The following ZC3H12B variants were observed in gnomAD, a reference collection of about 807,000 sequenced individuals.
The protein encoded by ZC3H12B is probable ribonuclease ZC3H12B.
In ZC3H12B, 7 loss-of-function variants were observed where a neutral mutation model predicts 43.9. The ratio of observed to expected loss-of-function variants is 0.16; its 90% CI spans 0.09 to 0.30. The LOEUF (loss-of-function observed/expected upper bound fraction) is 0.30, where lower values mean the gene tolerates loss of function less well. ZC3H12B is among the 10% of genes least tolerant of loss of function. The probability of loss-of-function intolerance (pLI) is 1.00; values close to 1 mark genes in which losing one functional copy is unlikely to be tolerated. For synonymous variants in ZC3H12B, 222 were observed against 241.7 expected, an observed-to-expected ratio of 0.92 and a Z score of 0.76; for missense variants, 475 against 670.2, an observed-to-expected ratio of 0.71 and a Z score of 3.22.
At chrX:65,331,039 C>T in the ZC3H12B span, 11 of 336,696 alleles carry the variant, frequency 3.3e-5, no homozygotes, top group East Asian at 9.0e-4. Flanking sequence ...TTGGTGTCCA[C>T]GTATTTGAGT....
At chrX:65,405,749 A>G (rs1297340233) in intron 3 of ZC3H12B, among the ~76,000 whole-genome samples, 1 of 112,522 alleles carries the variant, frequency 8.9e-6, no homozygotes, top group Non-Finnish European at 1.9e-5. Flanking sequence ...ACAAAACTTT[A>G]GCCAAACTTA....
the ZC3H12B span, among the ~76,000 whole-genome samples, chrX:65,290,896 G>C: frequency 9.1e-6 from 1 of 110,482 alleles, no homozygotes; most frequent in African/African-American, 3.3e-5. Context: ...TGTGTTAAAG[G>C]GTACAAACAT....
At chrX:65,156,972 T>C in the ZC3H12B span, among the ~76,000 whole-genome samples, 1 of 111,821 alleles carries the variant, frequency 8.9e-6, no homozygotes, top group Middle Eastern at 4.6e-3. Flanking sequence ...TCTTTCTTTC[T>C]TTCTTCCTTT....
chrX:65,242,275 G>C, the ZC3H12B span, among the ~76,000 whole-genome samples: 1 of 111,662 alleles, frequency 9.0e-6, no homozygotes, highest in Non-Finnish European at 1.9e-5. Context: ...CTCTGTGAGA[G>C]CTGCGGACGG....
intron 3 of ZC3H12B, among the ~76,000 whole-genome samples, chrX:65,458,129 T>C (rs1361017492): frequency 2.3e-5 from 1 of 42,761 alleles, no homozygotes; most frequent in Non-Finnish European, 4.8e-5. Flanking sequence ...TACATAATGG[T>C]AAAGGGATCA....
chrX:65,065,489 T>C, the ZC3H12B span, among the ~76,000 whole-genome samples: 1 of 112,427 alleles, frequency 8.9e-6, no homozygotes. Flanking sequence ...TTCTGGCTTG[T>C]AGGGTTTCTG....
the ZC3H12B span, among the ~76,000 whole-genome samples, chrX:65,336,978 C>T: frequency 2.7e-5 from 3 of 112,397 alleles, no homozygotes; most frequent in Non-Finnish European, 3.8e-5. Flanking sequence ...AGGGACTTTA[C>T]TGAGAAGGGG....
intron 1 of ZC3H12B, among the ~76,000 whole-genome samples, chrX:65,491,888 G>C (rs779871105): frequency 3.6e-5 from 4 of 109,749 alleles, no homozygotes; most frequent in African/African-American, 1.3e-4. Context: ...TAACAAGAAA[G>C]TTAAATGGTC....
intron 2 of ZC3H12B, among the ~76,000 whole-genome samples, chrX:65,382,526 C>T (rs2066457781): frequency 9.0e-6 from 1 of 111,333 alleles, no homozygotes; most frequent in Non-Finnish European, 1.9e-5. Flanking sequence ...GGAAGCATTC[C>T]CTTTGAAAAC....
the ZC3H12B span, among the ~76,000 whole-genome samples, chrX:65,050,762 A>G: frequency 1.8e-5 from 2 of 111,886 alleles, no homozygotes; most frequent in African/African-American, 6.5e-5. Context: ...TGGATTCACA[A>G]GGATAAATCT....
chrX:65,468,509 A>G (rs1210973859), intron 3 of ZC3H12B, among the ~76,000 whole-genome samples: 1 of 91,667 alleles, frequency 1.1e-5, no homozygotes, highest in African/African-American at 4.1e-5. Flanking sequence ...TTTGAGATGG[A>G]GTCTCACTCT....
the ZC3H12B span, among the ~76,000 whole-genome samples, chrX:65,070,816 GTTTTTTTTTTTTTT>G: frequency 1.8e-5 from 1 of 56,055 alleles, no homozygotes; most frequent in Non-Finnish European, 3.4e-5. Flanking sequence ...TATGATTTCT[GTTTTTTTTTTTTTT>G]TTTTTTTTTA....
At chrX:65,458,282 C>T (rs2067666343) in intron 3 of ZC3H12B, among the ~76,000 whole-genome samples, 1 of 109,685 alleles carries the variant, frequency 9.1e-6, no homozygotes, top group Non-Finnish European at 1.9e-5. Flanking sequence ...ACCCCACTGT[C>T]AATATTAGAC....
At chrX:65,445,573 A>G (rs771304407) in intron 3 of ZC3H12B, among the ~76,000 whole-genome samples, 1 of 112,660 alleles carries the variant, frequency 8.9e-6, no homozygotes, top group South Asian at 3.7e-4. Context: ...TAAGGCCACT[A>G]CCACTGGGAC....
chrX:65,430,015 A>G (rs1319221702), intron 3 of ZC3H12B, among the ~76,000 whole-genome samples: 3 of 112,172 alleles, frequency 2.7e-5, no homozygotes, highest in Non-Finnish European at 5.6e-5. Flanking sequence ...AGGGGTTCTT[A>G]TCTTGTGAGG....
At chrX:65,412,264 T>G (rs1292160868) in intron 3 of ZC3H12B, among the ~76,000 whole-genome samples, 1 of 111,924 alleles carries the variant, frequency 8.9e-6, no homozygotes, top group Non-Finnish European at 1.9e-5. Flanking sequence ...GTGCCTTGCT[T>G]CTTTCATTTA....
chrX:65,261,146 TG>T, the ZC3H12B span, among the ~76,000 whole-genome samples: 1 of 111,809 alleles, frequency 8.9e-6, no homozygotes, highest in African/African-American at 3.2e-5. Context: ...TTGCTAAGAC[TG>T]AGCATCAGAG....
intron 2 of ZC3H12B, among the ~76,000 whole-genome samples, chrX:65,373,905 ATAGT>A (rs1316728405): frequency 0.21 from 227 of 1,093 alleles, 7 homozygotes; most frequent in South Asian, 0.32. Flanking sequence ...ATATATATAT[ATAGT>A]TATATATATA....
the ZC3H12B span, among the ~76,000 whole-genome samples, chrX:65,078,545 T>A: frequency 2.7e-5 from 3 of 111,906 alleles, no homozygotes; most frequent in African/African-American, 9.8e-5. Context: ...TGCTGAGCGA[T>A]CAAGCTAAAT....
Sources: allele counts gnomAD v4.1 joint callset (sites outside exome capture counted in the v4.1 genomes callset), GRCh38; gene constraint gnomAD v4.1.1; transcripts MANE v1.5; gene names NCBI Gene and HGNC (gene_info 2026-07-23, HGNC 2026-07-21).